The following MAP2 variants were observed in gnomAD, a reference collection of about 807,000 sequenced individuals.
MAP2 encodes the protein microtubule-associated protein 2.
A neutral mutation model predicts 137.6 loss-of-function variants in MAP2; 14 were observed. The ratio of observed to expected loss-of-function variants is 0.10; its 90% CI spans 0.07 to 0.16. MAP2 has a LOEUF of 0.16. Ranked by LOEUF, MAP2 falls within the 10% of genes least tolerant of loss-of-function variation. The pLI is 1.00. For missense variants in MAP2, 2,088 were observed against 2,191.5 expected (o/e 0.95, Z 0.94); for synonymous variants, 786 against 782.3 (o/e 1.00, Z -0.08).
chr2:209,558,901 C>T (rs2071321811), intron 2 of MAP2, among the ~76,000 whole-genome samples: 1 of 151,814 alleles, frequency 6.6e-6, no homozygotes, highest in Non-Finnish European at 1.5e-5. Flanking sequence ...GGGGAAATAA[C>T]CAAATAGATG....
chr2:209,456,645 C>T (rs1701606334), intron 1 of MAP2, among the ~76,000 whole-genome samples: 1 of 152,154 alleles, frequency 6.6e-6, no homozygotes, highest in African/African-American at 2.4e-5. Context: ...CCATTTATTG[C>T]ACTTGTCCTT....
intron 2 of MAP2, among the ~76,000 whole-genome samples, chr2:209,564,579 A>C (rs1352780074): frequency 6.7e-6 from 1 of 149,750 alleles, no homozygotes; most frequent in South Asian, 2.1e-4. Flanking sequence ...AAAAAAAAAA[A>C]AAAACCAAAA....
At position 209,697,063 on chromosome 2, in the gene MAP2, A is replaced by C; in HGVS notation, c.4522+12A>C. On this transcript the variant is annotated intron_variant, in intron 10 of 15. Transcript: ENST00000682079. ...GCGGAAAACCACAGGTGACTGTTCA[A>C]TTCTGCAATGTGACTGGCAAACATA... 1 of 1,574,814 alleles carries C rather than the reference A, an allele frequency of 6.3e-7. No individual in the cohort carries two copies. The highest frequency in any genetic ancestry group is 1.4e-5 in the African/African-American group (1 of 72,952).
chr2:209,687,268 C>T (rs1474101639), intron 7 of MAP2, among the ~76,000 whole-genome samples: 2 of 150,604 alleles, frequency 1.3e-5, no homozygotes, highest in Non-Finnish European at 3.0e-5. Context: ...ATCTTACAGG[C>T]GTTAAATCCT....
At chr2:209,579,694 GAGA>G (rs2075966037) in intron 2 of MAP2, 1 of 152,190 alleles carries the variant, frequency 6.6e-6, no homozygotes, top group African/African-American at 2.4e-5. Flanking sequence ...AATGCTCCCG[GAGA>G]AGGATTCTGC....
chr2:209,696,225 C>T lies in MAP2; in HGVS notation c.4055C>T (p.Ala1352Val), dbSNP rs756373239. ...EPKDGSPEAP[A>V]SPEREEVALS... ...AAAGATGGTTCCCCAGAGGCTCCAGCTTCCCCTGAGAGAGAAGAGGTTGCA... is the reference window on the plus strand; with the variant it reads ...AAAGATGGTTCCCCAGAGGCTCCAGTTTCCCCTGAGAGAGAAGAGGTTGCA... The change falls in exon 8 of 16, where the codon GCT becomes GTT. Residue 1352 changes from alanine to valine, a missense_variant. By Grantham distance (64) the Ala-to-Val change is moderately conservative (BLOSUM62 0). Transcript: ENST00000682079. 2 of 1,613,634 alleles carry T rather than the reference C, an allele frequency of 1.2e-6. No homozygotes were observed. The highest frequency in any genetic ancestry group is 2.7e-5 in the African/African-American group (2 of 74,876).
intron 5 of MAP2, among the ~76,000 whole-genome samples, chr2:209,656,832 A>G (rs1314091181): frequency 6.6e-6 from 1 of 152,172 alleles, no homozygotes; most frequent in African/African-American, 2.4e-5. Context: ...ACATGAATAT[A>G]TCTCATAGGG....
intron 2 of MAP2, among the ~76,000 whole-genome samples, chr2:209,508,223 A>G (rs2061303910): frequency 6.6e-6 from 1 of 151,926 alleles, no homozygotes; most frequent in Non-Finnish European, 1.5e-5. Context: ...CCCTCACAGC[A>G]ATAAACTTGG....
chr2:209,426,306 AC>A (rs1444788338), intron 1 of MAP2, among the ~76,000 whole-genome samples: 6 of 151,982 alleles, frequency 3.9e-5, no homozygotes, highest in African/African-American at 1.4e-4. Context: ...AAATAGAGCT[AC>A]CTTTTATAAA....
At chr2:209,549,340 A>G (rs2068706119) in intron 2 of MAP2, among the ~76,000 whole-genome samples, 1 of 152,076 alleles carries the variant, frequency 6.6e-6, no homozygotes, top group African/African-American at 2.4e-5. Context: ...AGACTTGTGC[A>G]AGGCTTCAGA....
chr2:209,600,456 A>C (rs1045169919), intron 3 of MAP2, among the ~76,000 whole-genome samples: 1 of 152,132 alleles, frequency 6.6e-6, no homozygotes, highest in Non-Finnish European at 1.5e-5. Flanking sequence ...CAGTCCCCCC[A>C]GCTGGCTTAA....
intron 5 of MAP2, among the ~76,000 whole-genome samples, chr2:209,654,015 A>G (rs1201958217): frequency 1.3e-5 from 2 of 152,224 alleles, no homozygotes; most frequent in African/African-American, 4.8e-5. Flanking sequence ...GATACAAAGC[A>G]TAACATGTAA....
chr2:209,612,061 T>G (rs896629610), intron 3 of MAP2, among the ~76,000 whole-genome samples: 2 of 152,184 alleles, frequency 1.3e-5, no homozygotes, highest in African/African-American at 4.8e-5. Context: ...AATAAGCATT[T>G]TACCCAAGAG....
chr2:209,543,917 T>C (rs999608663), intron 2 of MAP2, among the ~76,000 whole-genome samples: 2 of 152,144 alleles, frequency 1.3e-5, no homozygotes, highest in African/African-American at 4.8e-5. Context: ...GTTCTAAATG[T>C]TTGTATCTTT....
chr2:209,705,537 A>G, intron 11 of MAP2, 43 bp from the exon 12 acceptor site: 3 of 1,514,742 alleles, frequency 2.0e-6, no homozygotes, highest in Non-Finnish European at 2.7e-6. Flanking sequence ...TATAAATTAA[A>G]GAGTTACAAG....
chr2:209,487,434 C>G (rs1037028628), intron 1 of MAP2, among the ~76,000 whole-genome samples: 4 of 152,172 alleles, frequency 2.6e-5, no homozygotes, highest in Non-Finnish European at 5.9e-5. Context: ...AGGATGTGTA[C>G]TTTCCAAACT....
chr2:209,728,806 GTAGTCTGTAAGA>G (rs2075062172), intron 14 of MAP2, among the ~76,000 whole-genome samples: 2 of 152,206 alleles, frequency 1.3e-5, no homozygotes. Context: ...TTTGAAATAT[GTAGTCTGTAAGA>G]TACATCACAA....
At chr2:209,708,578 A>G (rs1364953008) in intron 12 of MAP2, among the ~76,000 whole-genome samples, 2 of 152,160 alleles carry the variant, frequency 1.3e-5, no homozygotes, top group East Asian at 1.9e-4. Flanking sequence ...TTACATGTCC[A>G]CTTCTCAGAA....
At chr2:209,508,718 A>C (rs994373974) in intron 2 of MAP2, among the ~76,000 whole-genome samples, 1 of 152,028 alleles carries the variant, frequency 6.6e-6, no homozygotes, top group Non-Finnish European at 1.5e-5. Context: ...AATTATGCCT[A>C]TAGATAATTG....
Sources: gnomAD v4.1 joint callset for allele counts (sites outside exome capture counted in the v4.1 genomes callset) on GRCh38, gnomAD v4.1.1 for gene constraint, MANE v1.5 for transcripts, NCBI Gene and HGNC (gene_info 2026-07-23, HGNC 2026-07-21) for gene names.